The following SLC38A12 variants were observed in gnomAD, a reference collection of about 807,000 sequenced individuals.
SLC38A12 encodes putative sodium-coupled neutral amino acid transporter 12.
chr17:74,808,840 C>T, the SLC38A12 span, among the ~76,000 whole-genome samples: 16 of 152,326 alleles, frequency 1.1e-4, no homozygotes, highest in African/African-American at 3.8e-4. Flanking sequence ...CAGGCTCCCT[C>T]CTGCAGCGGC....
the SLC38A12 span, among the ~76,000 whole-genome samples, chr17:74,800,619 A>G: frequency 1.3e-5 from 2 of 152,236 alleles, no homozygotes; most frequent in Non-Finnish European, 2.9e-5. Context: ...TAGTGAAGCA[A>G]CAAGTTTGAG....
chr17:74,778,538 C>T, the SLC38A12 span, among the ~76,000 whole-genome samples: 3 of 151,726 alleles, frequency 2.0e-5, no homozygotes, highest in Non-Finnish European at 4.4e-5. Context: ...TGGAAGAAAG[C>T]CTTCCTGATT....
chr17:74,815,150 A>G, the SLC38A12 span, among the ~76,000 whole-genome samples: 2 of 152,084 alleles, frequency 1.3e-5, no homozygotes, highest in Non-Finnish European at 2.9e-5. Flanking sequence ...TTTCCTCATC[A>G]GTAAGATGAG....
the SLC38A12 span, among the ~76,000 whole-genome samples, chr17:74,823,956 C>T: frequency 6.6e-6 from 1 of 152,256 alleles, no homozygotes; most frequent in African/African-American, 2.4e-5. Flanking sequence ...GCAGCACCTG[C>T]ACAGTGTGCA....
At chr17:74,818,857 C>T in the SLC38A12 span, among the ~76,000 whole-genome samples, 1 of 152,196 alleles carries the variant, frequency 6.6e-6, no homozygotes, top group African/African-American at 2.4e-5. Flanking sequence ...CCTGAGCAAC[C>T]AATTTGGCAT....
At chr17:74,795,673 C>T in the SLC38A12 span, 1 of 1,522,036 alleles carries the variant, frequency 6.6e-7, no homozygotes. Context: ...CCAGCCCAGC[C>T]TGCACAGCTG....
At chr17:74,813,195 G>A in the SLC38A12 span, among the ~76,000 whole-genome samples, 1 of 152,162 alleles carries the variant, frequency 6.6e-6, no homozygotes, top group Non-Finnish European at 1.5e-5. Context: ...GGTCACTGCT[G>A]GCCGCTTTGG....
At chr17:74,793,952 C>T in the SLC38A12 span, among the ~76,000 whole-genome samples, 1 of 152,192 alleles carries the variant, frequency 6.6e-6, no homozygotes, top group Admixed American at 6.5e-5. Flanking sequence ...GGGTACCCTG[C>T]AGGCTCTTCT....
the SLC38A12 span, chr17:74,839,713 A>C: frequency 6.5e-6 from 1 of 153,204 alleles, no homozygotes; most frequent in Middle Eastern, 3.4e-3. Context: ...TGCTGAGCTT[A>C]GTGCCCAGCC....
chr17:74,826,196 C>T, the SLC38A12 span, among the ~76,000 whole-genome samples: 1 of 152,130 alleles, frequency 6.6e-6, no homozygotes, highest in Non-Finnish European at 1.5e-5. Context: ...ACCTGCCAGG[C>T]TCCGAGGGTG....
At chr17:74,795,140 C>CTACCGCCAACCT in the SLC38A12 span, 1 of 1,598,976 alleles carries the variant, frequency 6.3e-7, no homozygotes, top group Non-Finnish European at 8.6e-7. Context: ...CCCAGGTTGG[C>CTACCGCCAACCT]GGTAGCCAAA....
the SLC38A12 span, chr17:74,790,995 G>A: frequency 1.5e-4 from 238 of 1,613,908 alleles, no homozygotes; most frequent in Non-Finnish European, 1.8e-4. Context: ...ATCACAGACC[G>A]GGTGGAAATG....
At chr17:74,823,245 AG>A in the SLC38A12 span, among the ~76,000 whole-genome samples, 1 of 152,190 alleles carries the variant, frequency 6.6e-6, no homozygotes, top group Non-Finnish European at 1.5e-5. Context: ...AGGAAGACAA[AG>A]GGGAAGAATA....
the SLC38A12 span, among the ~76,000 whole-genome samples, chr17:74,808,605 C>T: frequency 2.0e-5 from 3 of 152,136 alleles, no homozygotes; most frequent in Non-Finnish European, 2.9e-5. Flanking sequence ...TCAGGTGTCT[C>T]GGGAAGCTTG....
the SLC38A12 span, among the ~76,000 whole-genome samples, chr17:74,791,790 G>A: frequency 6.6e-6 from 1 of 152,214 alleles, no homozygotes; most frequent in African/African-American, 2.4e-5. Context: ...TGAGTTGTTG[G>A]GTGTGCCAGC....
chr17:74,838,728 C>T, the SLC38A12 span: 22 of 1,443,640 alleles, frequency 1.5e-5, no homozygotes, highest in African/African-American at 2.0e-4. Context: ...AGGCTTCTGC[C>T]GCTGACGGCC....
chr17:74,794,918 A>T, the SLC38A12 span: 3 of 989,956 alleles, frequency 3.0e-6, no homozygotes, highest in South Asian at 1.5e-5. Context: ...AAGCTATGGG[A>T]GAGGTAGAGA....
At chr17:74,800,958 C>T in the SLC38A12 span, among the ~76,000 whole-genome samples, 1 of 152,222 alleles carries the variant, frequency 6.6e-6, no homozygotes, top group Non-Finnish European at 1.5e-5. Context: ...TCAAGAGTGT[C>T]CCTTCCTGGG....
the SLC38A12 span, among the ~76,000 whole-genome samples, chr17:74,785,073 T>G: frequency 1.3e-5 from 2 of 152,152 alleles, no homozygotes; most frequent in Non-Finnish European, 2.9e-5. Flanking sequence ...TCAGTGATCT[T>G]GGAAAAGTGG....
Sources: allele counts gnomAD v4.1 joint callset (sites outside exome capture counted in the v4.1 genomes callset), GRCh38; gene constraint gnomAD v4.1.1; transcripts MANE v1.5; gene names NCBI Gene and HGNC (gene_info 2026-07-23, HGNC 2026-07-21).